Variants in NIPBL observed in about 807,000 individuals in gnomAD.
NIPBL encodes nipped-B-like protein.
A neutral mutation model predicts 321.8 loss-of-function variants in NIPBL; 19 were observed. That is an observed-to-expected ratio of 0.06 (90% CI 0.04 to 0.09). The LOEUF (loss-of-function observed/expected upper bound fraction) is 0.09. Among genes scored for constraint, NIPBL ranks in the 10% least tolerant of loss-of-function variants. The pLI is 1.00. For missense variants in NIPBL, 2,210 were observed against 3,327.0 expected, an observed-to-expected ratio of 0.66 and a Z score of 8.26; for synonymous variants, 1,106 against 1,114.1, an observed-to-expected ratio of 0.99 and a Z score of 0.14.
intron 1 of NIPBL, chr5:36,885,253 G>C: frequency 1.9e-6 from 1 of 528,014 alleles, no homozygotes; most frequent in South Asian, 1.4e-5. Context: ...ACTGGTTCCT[G>C]GGCTCTGTCC....
Position 36,876,834 on chromosome 5 carries a change from T to TC in NIPBL, c.-416dup, listed in dbSNP as rs886060553. The stretch of plus-strand genomic sequence containing the variant: ...CACACAGGGCTCCTTCCCCCCGCCC[T>TC]CCCCCCCCTCCCTCCGTCGGTACCG... On this transcript the variant is annotated 5_prime_UTR_variant, in exon 1 of 47. Transcript: ENST00000282516. The TC allele has an allele frequency of 0.015, 1,164 of 80,170 alleles. 2 individuals carry two copies. Among genetic ancestry groups the TC allele is most frequent in the Non-Finnish European group, 0.023 (942 of 41,246 alleles). The allele number at this position is 80,170 out of a possible 1,614,324, so 5.0% of individuals were successfully genotyped here.
Position 37,008,004 on chromosome 5 carries a change from A to T in NIPBL, c.4240-4A>T. On this transcript the variant is annotated splice_polypyrimidine_tract_variant and splice_region_variant and intron_variant, in intron 18 of 46. Transcript: ENST00000282516. ...TATACTACTTACTCTTCTTTTTTAA[A>T]CAGGTTTCATCTATGGGAATAACAC... 1 of 1,578,608 alleles carries T rather than the reference A, an allele frequency of 6.3e-7. No individual in the cohort carries two copies. Among genetic ancestry groups the T allele is most frequent in the South Asian group, 1.1e-5 (1 of 90,370 alleles).
Position 37,058,745 on chromosome 5 carries a change from G to T in NIPBL, c.7411-146G>T. On this transcript the variant is annotated intron_variant, in intron 43 of 46. Coordinates refer to ENST00000282516, the MANE Select transcript of NIPBL (RefSeq NM_133433.4). Reference sequence around the variant, plus strand: ...TTTAGTTTTAGAAACTATCCCCTAAGATTACATATCCAGTTGTTGATATAA... The same window carrying T: ...TTTAGTTTTAGAAACTATCCCCTAATATTACATATCCAGTTGTTGATATAA... 8 of 654,558 alleles carry T rather than the reference G, an allele frequency of 1.2e-5. No individual in the cohort carries two copies. The South Asian group carries it at 1.8e-4, about 14-fold the overall frequency. The allele number at this position is 654,558 out of a possible 1,614,324, so 40.5% of individuals were successfully genotyped here. A position where few individuals can be genotyped will look rare whatever the true frequency, so the allele number is the denominator to read the frequency against.
At chr5:36,952,754 T>A (rs1446590755) in intron 1 of NIPBL, among the ~76,000 whole-genome samples, 1 of 152,208 alleles carries the variant, frequency 6.6e-6, no homozygotes, top group African/African-American at 2.4e-5. Flanking sequence ...CTTTATGTGG[T>A]TGCATATTGA....
chr5:37,047,310 A>G (rs961824603), intron 38 of NIPBL, among the ~76,000 whole-genome samples: 3 of 152,216 alleles, frequency 2.0e-5, no homozygotes, highest in South Asian at 2.1e-4. Context: ...TAAGGTTTAT[A>G]CTTTAATCTG....
intron 8 of NIPBL, among the ~76,000 whole-genome samples, chr5:36,974,301 T>C (rs1412204993): frequency 6.6e-6 from 1 of 152,214 alleles, no homozygotes; most frequent in East Asian, 1.9e-4. Context: ...TGTCATGAAG[T>C]TGTTTTCTAA....
chr5:37,011,652 TC>T (rs1478634828), intron 21 of NIPBL, among the ~76,000 whole-genome samples: 1 of 152,240 alleles, frequency 6.6e-6, no homozygotes, highest in Non-Finnish European at 1.5e-5. Flanking sequence ...TCTCTAGTCT[TC>T]CTTTCCTAAC....
intron 38 of NIPBL, among the ~76,000 whole-genome samples, chr5:37,047,676 C>G (rs1373893538): frequency 1.3e-5 from 2 of 152,194 alleles, no homozygotes; most frequent in Non-Finnish European, 2.9e-5. Context: ...AATATTGCCT[C>G]TAGACCAGTT....
intron 1 of NIPBL, among the ~76,000 whole-genome samples, chr5:36,897,652 T>A (rs1746858419): frequency 6.6e-6 from 1 of 152,200 alleles, no homozygotes; most frequent in Non-Finnish European, 1.5e-5. Flanking sequence ...CATTTAGTGC[T>A]CTGGCTGTAA....
At chr5:36,988,805 C>T (rs1321961817) in intron 10 of NIPBL, among the ~76,000 whole-genome samples, 2 of 151,968 alleles carry the variant, frequency 1.3e-5, no homozygotes, top group Non-Finnish European at 2.9e-5. Flanking sequence ...AATATTTTAC[C>T]TGATGTTCAT....
At chr5:37,061,494 A>G (rs1433181466) in intron 45 of NIPBL, among the ~76,000 whole-genome samples, 1 of 152,128 alleles carries the variant, frequency 6.6e-6, no homozygotes, top group African/African-American at 2.4e-5. Flanking sequence ...CCTGGGCAAC[A>G]TGGCAAATCC....
At chr5:36,958,491 G>C (rs1741237506) in intron 4 of NIPBL, among the ~76,000 whole-genome samples, 1 of 151,984 alleles carries the variant, frequency 6.6e-6, no homozygotes, top group Non-Finnish European at 1.5e-5. Context: ...AAATTTTTTT[G>C]TTTTAGAAAA....
Position 36,961,527 on chromosome 5 carries a change from C to T in NIPBL, c.402C>T (p.His134=). Reference sequence around the variant, plus strand: ...ATAAACTTTCTCAGAATTCCATGCACAGTAGTCCTGCATCTTCCAATTATC... The same window carrying T: ...ATAAACTTTCTCAGAATTCCATGCATAGTAGTCCTGCATCTTCCAATTATC... ...SQYKLSQNSM[H]SSPASSNYQQ... is the part of the protein sequence containing the mutation. The change falls in exon 5 of 47, where the codon CAC becomes CAT. Residue 134 remains histidine, a synonymous_variant. Coordinates refer to ENST00000282516, the MANE Select transcript of NIPBL (RefSeq NM_133433.4). 6.2e-7 allele frequency: 1 copy of T among 1,612,156 alleles called. No homozygotes were observed. The highest frequency in any genetic ancestry group is 8.5e-7 in the Non-Finnish European group (1 of 1,178,394).
chr5:37,043,558 C>T (rs1031072297), intron 34 of NIPBL, among the ~76,000 whole-genome samples: 2 of 151,258 alleles, frequency 1.3e-5, no homozygotes, highest in Admixed American at 1.3e-4. Context: ...AAAAATTAAC[C>T]GGGTGTGGTA....
At chr5:36,949,126 T>G (rs1421576050) in intron 1 of NIPBL, among the ~76,000 whole-genome samples, 1 of 151,830 alleles carries the variant, frequency 6.6e-6, no homozygotes, top group Non-Finnish European at 1.5e-5. Flanking sequence ...ACAACAAAAT[T>G]TAATAATAAT....
At chr5:36,998,036 T>C (rs529179617) in intron 11 of NIPBL, among the ~76,000 whole-genome samples, 1 of 152,210 alleles carries the variant, frequency 6.6e-6, no homozygotes, top group South Asian at 2.1e-4. Context: ...AGCACAAATA[T>C]AAGGTCACTG....
chr5:37,015,332 T>G (rs1407732939), intron 22 of NIPBL, among the ~76,000 whole-genome samples: 1 of 152,070 alleles, frequency 6.6e-6, no homozygotes, highest in African/African-American at 2.4e-5. Context: ...CCGTGTTGGT[T>G]AGGCTGGTCT....
chr5:36,976,668 T>G (rs1337686712), intron 9 of NIPBL, among the ~76,000 whole-genome samples: 2 of 152,142 alleles, frequency 1.3e-5, no homozygotes, highest in African/African-American at 4.8e-5. Flanking sequence ...TTATTTGTGC[T>G]TTTCTGCTAA....
intron 21 of NIPBL, among the ~76,000 whole-genome samples, chr5:37,012,456 A>ATTTTTTTTTTT (rs763144789): frequency 1.9e-5 from 2 of 107,208 alleles, no homozygotes; most frequent in Admixed American, 9.6e-5. Flanking sequence ...TCTTTCTCCA[A>ATTTTTTTTTTT]TTTTTTTTTT....
Sources: allele counts gnomAD v4.1 joint callset (sites outside exome capture counted in the v4.1 genomes callset), GRCh38; gene constraint gnomAD v4.1.1; transcripts MANE v1.5; gene names NCBI Gene and HGNC (gene_info 2026-07-23, HGNC 2026-07-21).